Variants in NCF4 observed in about 807,000 individuals in gnomAD.
NCF4 encodes the protein neutrophil cytosol factor 4.
NCF4 carries 30 observed loss-of-function variants against 41.7 expected under a neutral mutation model. That is an observed-to-expected ratio of 0.72 (90% CI 0.54 to 0.97). The LOEUF (loss-of-function observed/expected upper bound fraction) is 0.97. Ranked by LOEUF, NCF4 falls within the 50% of genes least tolerant of loss-of-function variation. The probability of loss-of-function intolerance (pLI) is 0.00; values close to 1 mark genes in which losing one functional copy is unlikely to be tolerated. For synonymous variants in NCF4, 195 were observed against 175.8 expected (o/e 1.11, Z -0.87); for missense variants, 432 against 460.9 (o/e 0.94, Z 0.57).
Position 36,864,039 on chromosome 22 carries a change from GCA to G in NCF4, c.33-3_33-2del, listed in dbSNP as rs1939854893. The stretch of plus-strand genomic sequence containing the variant: ...AGCAGGATCTCTTTTCCCCTCCTTC[GCA>G]CAGTGACTTTGAACAGCTTCCGGAT... On this transcript the variant is annotated splice_region_variant and splice_polypyrimidine_tract_variant and intron_variant, in intron 1 of 9. Transcript: ENST00000248899. The G allele has an allele frequency of 6.2e-7, 1 of 1,613,510 alleles. No individual in the cohort carries two copies.
intron 3 of NCF4, 78 bp from the exon 4 acceptor site, chr22:36,867,301 TCTGGCCAGGGTTC>T: frequency 2.9e-6 from 4 of 1,362,442 alleles, no homozygotes; most frequent in Non-Finnish European, 4.2e-6. Context: ...GGGAAGGGGC[TCTGGCCAGGGTTC>T]CTGGCCTGTA....
Position 36,868,964 on chromosome 22 carries a change from C to T in NCF4, c.343-1451C>T, listed in dbSNP as rs1385166165. Among the ~76,000 whole-genome samples the T allele has an allele frequency of 3.9e-5, 6 of 152,294 alleles. No homozygotes were observed. In the East Asian group the frequency reaches 1.2e-3, roughly 29 times the overall value. ...AGCCCAACTCTCTGTAAGTCCTACCCACTGGTCTCACCCCGCCCTCATGAA... is the reference window on the plus strand; with the variant it reads ...AGCCCAACTCTCTGTAAGTCCTACCTACTGGTCTCACCCCGCCCTCATGAA... On this transcript the variant is annotated intron_variant, in intron 4 of 9. Transcript: ENST00000248899.
chr22:36,867,424 G>A lies in NCF4; in HGVS notation c.304G>A (p.Ala102Thr), dbSNP rs763938344. The A allele has an allele frequency of 2.8e-5, 46 of 1,614,052 alleles. 1 individual carries two copies. The highest frequency in any genetic ancestry group is 2.7e-4 in the South Asian group (25 of 91,088). Residue 102 changes from alanine (A) to threonine (T), a missense_variant, in exon 4 of 10, where the codon GCC (alanine) becomes ACC (threonine). Coordinates refer to ENST00000248899, the MANE Select transcript of NCF4 (RefSeq NM_000631.5). ...KVYVGVKQEI[A>T]EMRIPALNAY... The stretch of plus-strand genomic sequence containing the variant: ...CTACGTGGGTGTGAAACAGGAGATC[G>A]CCGAGATGCGGATACCTGCCCTCAA...
At chr22:36,873,533 T>C (rs543475622) in intron 7 of NCF4, among the ~76,000 whole-genome samples, 5 of 152,142 alleles carry the variant, frequency 3.3e-5, no homozygotes, top group African/African-American at 1.2e-4. Context: ...TCCAGGCAGG[T>C]TGGGGAGCCT....
chr22:36,874,986 A>G (rs955538778), intron 7 of NCF4, among the ~76,000 whole-genome samples: 18 of 152,116 alleles, frequency 1.2e-4, no homozygotes, highest in African/African-American at 4.3e-4. Flanking sequence ...ATTCCCCATC[A>G]TACTGGAAAC....
chr22:36,862,163 T>A (rs1413527012), intron 1 of NCF4, among the ~76,000 whole-genome samples: 1 of 152,112 alleles, frequency 6.6e-6, no homozygotes, highest in African/African-American at 2.4e-5. Context: ...ACCCCCTGGA[T>A]TGGAACAGCA....
chr22:36,868,476 A>T (rs1397477488), intron 4 of NCF4, among the ~76,000 whole-genome samples: 2 of 151,938 alleles, frequency 1.3e-5, no homozygotes, highest in African/African-American at 2.4e-5. Context: ...CTCCTGATGG[A>T]GGGAAGGAGC....
chr22:36,864,097 A>T lies in NCF4; in HGVS notation c.85A>T (p.Ile29Phe). 6.2e-7 allele frequency: 1 copy of T among 1,614,134 alleles called. No homozygotes were observed. The highest frequency in any genetic ancestry group is 8.5e-7 in the Non-Finnish European group (1 of 1,179,990). ...TGCCATCTCGGCCAACATTGCTGAC[A>T]TCGAGGAGAAGAGAGGCTTCACCAG... The part of the protein sequence containing the change: ...DVAISANIAD[I>F]EEKRGFTSHF... Residue 29 changes from isoleucine to phenylalanine, a missense_variant, in exon 2 of 10, where the codon ATC becomes TTC. Coordinates refer to ENST00000248899, the MANE Select transcript of NCF4 (RefSeq NM_000631.5).
At chr22:36,864,771 A>T in intron 2 of NCF4, 148 bp from the exon 3 acceptor site, 3 of 897,218 alleles carry the variant, frequency 3.3e-6, no homozygotes, top group Non-Finnish European at 3.5e-6. Context: ...CAGCCTTTTG[A>T]CTTGACAGGG....
intron 1 of NCF4, 102 bp downstream of exon 1, chr22:36,861,305 C>T (rs1939770332): frequency 7.0e-7 from 1 of 1,431,406 alleles, no homozygotes; most frequent in Admixed American, 2.0e-5. Flanking sequence ...ACATGAGAGG[C>T]TGGGGTTGAG....
chr22:36,868,615 G>A (rs567727658), intron 4 of NCF4, among the ~76,000 whole-genome samples: 1 of 152,034 alleles, frequency 6.6e-6, no homozygotes, highest in East Asian at 1.9e-4. Flanking sequence ...GGGTGGCTGA[G>A]GCTCCACCCT....
In NCF4 at chr22:36,871,726, C is replaced by T. The variant is rs36099901; in HGVS notation, c.528+17C>T. On this transcript the variant is annotated intron_variant, in intron 6 of 9. Coordinates refer to ENST00000248899, the MANE Select transcript of NCF4 (RefSeq NM_000631.5). ...AGAGCAGAGGTAACCCCCGCCCCCA[C>T]GCTGGCCAGGCTCTCACACTGTGGG... The T allele has an allele frequency of 1.7e-5, 26 of 1,553,382 alleles. No individual in the cohort carries two copies. The highest frequency in any genetic ancestry group is 3.9e-5 in the Admixed American group (2 of 51,236).
chr22:36,872,956 GAGATTGGAGGTGAGGGTGGAGGTA>G (rs1940108830), intron 7 of NCF4, among the ~76,000 whole-genome samples: 2 of 146,856 alleles, frequency 1.4e-5, no homozygotes, highest in African/African-American at 5.2e-5. Context: ...GATTGGAGGT[GAGATTGGAGGTGAGGGTGGAGGTA>G]AGGGTGGAGG....
intron 4 of NCF4, 61 bp downstream of exon 4, chr22:36,867,523 C>T: frequency 1.9e-6 from 3 of 1,560,090 alleles, no homozygotes; most frequent in South Asian, 1.1e-5. Flanking sequence ...TGGGGGAGCC[C>T]ACGTACCATC....
chr22:36,868,790 TG>T (rs1939988351), intron 4 of NCF4, among the ~76,000 whole-genome samples: 3 of 152,100 alleles, frequency 2.0e-5, no homozygotes, highest in Admixed American at 2.0e-4. Flanking sequence ...TGTGTCCAAT[TG>T]GGTTCCTGGA....
At chr22:36,873,929 G>C (rs553088134) in intron 7 of NCF4, among the ~76,000 whole-genome samples, 1 of 152,364 alleles carries the variant, frequency 6.6e-6, no homozygotes, top group East Asian at 1.9e-4. Context: ...CTGATGAAGA[G>C]TGTGAACTCA....
At chr22:36,868,110 C>G (rs541599080) in intron 4 of NCF4, among the ~76,000 whole-genome samples, 1 of 152,214 alleles carries the variant, frequency 6.6e-6, no homozygotes, top group Non-Finnish European at 1.5e-5. Flanking sequence ...AGGACTTCCA[C>G]CAGCCACAGC....
At chr22:36,870,844 A>T (rs1163638689) in intron 5 of NCF4, among the ~76,000 whole-genome samples, 1 of 152,052 alleles carries the variant, frequency 6.6e-6, no homozygotes, top group African/African-American at 2.4e-5. Flanking sequence ...GCCTGGAAAG[A>T]ATTGGGGGCA....
At position 36,865,193 on chromosome 22, in the gene NCF4, C is replaced by G; in HGVS notation, c.271+121C>G. 1 of 1,411,420 alleles carries G rather than the reference C, an allele frequency of 7.1e-7. No homozygotes were observed. Among genetic ancestry groups the G allele is most frequent in the South Asian group, 1.2e-5 (1 of 82,260 alleles). The allele number at this position is 1,411,420 out of a possible 1,614,324, so 87.4% of individuals were successfully genotyped here. A position where few individuals can be genotyped will look rare whatever the true frequency, so the allele number is the denominator to read the frequency against. ...TGAAAACTGTTCATGTAGTTTATAGCCCCCACTCCCGGCAGTTACAGGCTG... is the reference window on the plus strand; with the variant it reads ...TGAAAACTGTTCATGTAGTTTATAGGCCCCACTCCCGGCAGTTACAGGCTG... On this transcript the variant is annotated intron_variant, in intron 3 of 9. Coordinates refer to ENST00000248899, the MANE Select transcript of NCF4 (RefSeq NM_000631.5). The surrounding 1 kb of genome is among the most constrained non-coding windows in gnomAD (Gnocchi z 4.3).
Sources: allele counts gnomAD v4.1 joint callset (sites outside exome capture counted in the v4.1 genomes callset), GRCh38; gene constraint gnomAD v4.1.1; non-coding constraint Gnocchi (gnomAD v3.1); transcripts MANE v1.5; gene names NCBI Gene and HGNC (gene_info 2026-07-23, HGNC 2026-07-21).